The following AKAP6 variants were observed in gnomAD, a reference collection of about 807,000 sequenced individuals.
AKAP6 encodes A-kinase anchoring protein 6.
A neutral mutation model predicts 188.5 loss-of-function variants in AKAP6; 58 were observed. The ratio of observed to expected loss-of-function variants is 0.31; its 90% CI spans 0.25 to 0.38. AKAP6 has a LOEUF of 0.38. Among genes scored for constraint, AKAP6 ranks in the 10% least tolerant of loss-of-function variants. The pLI, the probability that AKAP6 is intolerant of heterozygous loss-of-function variation, is 1.00. For missense variants in AKAP6, 2,710 were observed against 2,740.0 expected (o/e 0.99, Z 0.24); for synonymous variants, 989 against 998.6 (o/e 0.99, Z 0.18).
chr14:32,650,673 A>G lies in AKAP6; in HGVS notation c.2731-27638A>G, dbSNP rs530591485. Among the ~76,000 whole-genome samples, 13 of 152,266 alleles carry G rather than the reference A, an allele frequency of 8.5e-5. No individual in the cohort carries two copies. In the South Asian group the frequency reaches 2.7e-3, roughly 32 times the overall value. On this transcript the variant is annotated intron_variant, in intron 7 of 13. Coordinates refer to ENST00000280979, the MANE Select transcript of AKAP6 (RefSeq NM_004274.5). ...ATTTACCAAAATTCATGTCACCTAAAAAAGAAAAGTAAACCAATGACCAGT... is the reference window on the plus strand; with the variant it reads ...ATTTACCAAAATTCATGTCACCTAAGAAAGAAAAGTAAACCAATGACCAGT...
intron 1 of AKAP6, among the ~76,000 whole-genome samples, chr14:32,406,672 A>G (rs1889306600): frequency 6.6e-6 from 1 of 152,184 alleles, no homozygotes; most frequent in Non-Finnish European, 1.5e-5. Flanking sequence ...CTCCACAAAC[A>G]ATTCAGTCCC....
At chr14:32,417,207 C>G (rs1314221816) in intron 1 of AKAP6, among the ~76,000 whole-genome samples, 1 of 152,148 alleles carries the variant, frequency 6.6e-6, no homozygotes, top group Non-Finnish European at 1.5e-5. Context: ...TTTAAAAGTT[C>G]TGTCCTCATA....
At chr14:32,797,204 T>G (rs1163202367) in intron 12 of AKAP6, among the ~76,000 whole-genome samples, 7 of 152,210 alleles carry the variant, frequency 4.6e-5, no homozygotes, top group Non-Finnish European at 8.8e-5. Flanking sequence ...TCAAATATTG[T>G]GGAAGACAGT....
At chr14:32,667,854 A>G (rs888343584) in intron 7 of AKAP6, among the ~76,000 whole-genome samples, 5 of 152,122 alleles carry the variant, frequency 3.3e-5, no homozygotes, top group African/African-American at 1.2e-4. Context: ...TTTAAGGACA[A>G]CTATTTTATA....
At chr14:32,593,187 G>A (rs1885560008) in intron 5 of AKAP6, among the ~76,000 whole-genome samples, 1 of 152,138 alleles carries the variant, frequency 6.6e-6, no homozygotes, top group African/African-American at 2.4e-5. Context: ...GTTTTGAGGA[G>A]GGTTGTGATT....
chr14:32,716,897 A>G (rs1422374831), intron 9 of AKAP6, among the ~76,000 whole-genome samples: 1 of 152,138 alleles, frequency 6.6e-6, no homozygotes, highest in African/African-American at 2.4e-5. Context: ...TGTTAAAATC[A>G]AAGACTTCTT....
chr14:32,761,634 G>A (rs1213935001), intron 11 of AKAP6, among the ~76,000 whole-genome samples: 2 of 152,064 alleles, frequency 1.3e-5, no homozygotes, highest in African/African-American at 4.8e-5. Context: ...ATTATCCCTA[G>A]GAATTCCTCT....
intron 1 of AKAP6, among the ~76,000 whole-genome samples, chr14:32,346,125 G>C (rs775523917): frequency 1.3e-5 from 2 of 152,122 alleles, no homozygotes; most frequent in Non-Finnish European, 2.9e-5. Context: ...CACTACTCTA[G>C]AGCATTAGTG....
intron 1 of AKAP6, among the ~76,000 whole-genome samples, chr14:32,378,176 A>G (rs533789790): frequency 3.2e-4 from 34 of 104,752 alleles, no homozygotes; most frequent in Admixed American, 1.7e-3. Context: ...CCTAATTGTC[A>G]TGGCTGCCAT....
At chr14:32,540,168 C>CTCTCTCTCTCTCTCTCTATATATA (rs1240063339) in intron 3 of AKAP6, among the ~76,000 whole-genome samples, 1 of 60,918 alleles carries the variant, frequency 1.6e-5, no homozygotes, top group African/African-American at 9.8e-5. Flanking sequence ...CTCTCTCTCT[C>CTCTCTCTCTCTCTCTCTATATATA]TATATATATA....
At chr14:32,549,008 C>A (rs2139166931) in intron 4 of AKAP6, among the ~76,000 whole-genome samples, 1 of 152,180 alleles carries the variant, frequency 6.6e-6, no homozygotes, top group East Asian at 1.9e-4. Flanking sequence ...ATAGAATAAC[C>A]TGGAGGAAGA....
At chr14:32,371,197 A>C (rs912683142) in intron 1 of AKAP6, among the ~76,000 whole-genome samples, 2 of 152,248 alleles carry the variant, frequency 1.3e-5, no homozygotes, top group Non-Finnish European at 2.9e-5. Context: ...GTGAATATAC[A>C]TGCATTTTAT....
intron 2 of AKAP6, among the ~76,000 whole-genome samples, chr14:32,527,391 G>T (rs10131115): frequency 0.095 from 4,283 of 45,138 alleles, 136 homozygotes; most frequent in African/African-American, 0.33. Context: ...CTTCCAAGTT[G>T]TGGCAATTAT....
rs1349807223 is a variant in AKAP6 at position 32,546,716 on chromosome 14, A to G, written c.2063A>G (p.Lys688Arg). 2.5e-6 allele frequency: 4 copies of G among 1,614,060 alleles called. No individual in the cohort carries two copies. Among genetic ancestry groups the G allele is most frequent in the Non-Finnish European group, 2.5e-6 (3 of 1,180,018 alleles). ...SEIYPTYHVK[K>R]KHTRLGRVSP... ...ATCTATCCAACCTATCATGTCAAAAAGAAGCATACAAGGCTAGGCAGGGTG... is the reference window on the plus strand; with the variant it reads ...ATCTATCCAACCTATCATGTCAAAAGGAAGCATACAAGGCTAGGCAGGGTG... The change falls in exon 4 of 14, where the codon AAG (lysine) becomes AGG (arginine). Residue 688 changes from lysine to arginine, a missense_variant. By Grantham distance (26) the Lys-to-Arg change is conservative (BLOSUM62 2). Around this residue, in one of 2 missense-constraint regions of AKAP6, gnomAD observed 2,473 missense variants for 2,426.1 expected, o/e 1.02. Transcript: ENST00000280979.
rs1884300380 is a variant in AKAP6, at chr14:32,568,382, A to G, written c.2347-8738A>G. On this transcript the variant is annotated intron_variant, in intron 4 of 13. Transcript: ENST00000280979. This position sits in a 1 kb window ranked among gnomAD's most constrained non-coding sequence, Gnocchi z 6.2. ...TTCATCTGTACAATGGGGAAATTTGACTATTCAATAACTTCACAAGTTATT... is the reference window on the plus strand; with the variant it reads ...TTCATCTGTACAATGGGGAAATTTGGCTATTCAATAACTTCACAAGTTATT... Among the ~76,000 whole-genome samples the G allele has an allele frequency of 6.6e-6, 1 of 152,158 alleles. No homozygotes were observed. The highest frequency in any genetic ancestry group is 2.4e-5 in the African/African-American group (1 of 41,432).
intron 1 of AKAP6, among the ~76,000 whole-genome samples, chr14:32,357,170 A>G (rs1045391049): frequency 6.6e-6 from 1 of 152,226 alleles, no homozygotes; most frequent in Non-Finnish European, 1.5e-5. Context: ...AATCACTGTC[A>G]TATAGTTCAC....
chr14:32,409,436 A>T (rs979042074), intron 1 of AKAP6, among the ~76,000 whole-genome samples: 1 of 151,898 alleles, frequency 6.6e-6, no homozygotes, highest in Admixed American at 6.6e-5. Flanking sequence ...AGGCTAGACT[A>T]GTGTATAAAA....
rs555066146 is a variant in AKAP6, at chr14:32,751,257, A to C, written c.3372+15375A>C. 7.9e-5 allele frequency among the ~76,000 whole-genome samples: 12 copies of C among 152,240 alleles called. No homozygotes were observed. The South Asian group carries it at 2.5e-3, about 32-fold the overall frequency. ...ATTTTCACAGGAAAAGTCCATTCCT[A>C]GTATTTTTTCCAAACCCTTGTGTGT... On this transcript the variant is annotated intron_variant, in intron 11 of 13. Coordinates refer to ENST00000280979, the MANE Select transcript of AKAP6 (RefSeq NM_004274.5).
intron 7 of AKAP6, among the ~76,000 whole-genome samples, chr14:32,667,826 C>G (rs189668524): frequency 1.1e-3 from 169 of 152,188 alleles, no homozygotes; most frequent in African/African-American, 3.0e-3. Context: ...CTGCTTCATT[C>G]TTTTCTCTCT....
Sources: gnomAD v4.1 joint callset for allele counts (sites outside exome capture counted in the v4.1 genomes callset) on GRCh38, gnomAD v4.1.1 for gene constraint, gnomAD v4.1.1 regional missense constraint, Gnocchi (gnomAD v3.1) non-coding constraint, MANE v1.5 for transcripts, NCBI Gene and HGNC (gene_info 2026-07-23, HGNC 2026-07-21) for gene names.